Variants in LRRC49 observed in about 807,000 individuals in gnomAD.
LRRC49 encodes leucine-rich repeat-containing protein 49.
In LRRC49, 50 loss-of-function variants were observed where a neutral mutation model predicts 83.3. That is an observed-to-expected ratio of 0.60 (90% CI 0.48 to 0.76). The LOEUF (loss-of-function observed/expected upper bound fraction) is 0.76. Ranked by LOEUF, LRRC49 falls within the 30% of genes least tolerant of loss-of-function variation. The probability of loss-of-function intolerance (pLI) is 0.00; values close to 1 mark genes in which losing one functional copy is unlikely to be tolerated. For synonymous variants in LRRC49, 286 were observed against 283.3 expected, an observed-to-expected ratio of 1.01 and a Z score of -0.10; for missense variants, 704 against 809.1, an observed-to-expected ratio of 0.87 and a Z score of 1.58.
intron 11 of LRRC49, among the ~76,000 whole-genome samples, chr15:70,987,226 G>T (rs2141232348): frequency 6.6e-6 from 1 of 152,232 alleles, no homozygotes; most frequent in Non-Finnish European, 1.5e-5. Flanking sequence ...TTTCTTCCTT[G>T]TACCTCTGGT....
rs766591141 is a variant in LRRC49, at chr15:70,904,542, T to A, written c.297-10T>A. The A allele has an allele frequency of 6.2e-7, 1 of 1,601,624 alleles. No homozygotes were observed. Among genetic ancestry groups the A allele is most frequent in the Non-Finnish European group, 8.5e-7 (1 of 1,170,626 alleles). On this transcript the variant is annotated splice_polypyrimidine_tract_variant and intron_variant, in intron 4 of 15. Transcript: ENST00000260382. ...TCATAACCTAATTAACTTTTTAACA[T>A]TTTTTCTAGACAAAAGCTGACCGTA...
intron 6 of LRRC49, among the ~76,000 whole-genome samples, chr15:70,917,317 TG>T (rs1409381671): frequency 6.6e-6 from 1 of 152,018 alleles, no homozygotes; most frequent in Non-Finnish European, 1.5e-5. Flanking sequence ...CCGACTGGAG[TG>T]GGAACTTGTG....
chr15:70,923,826 T>C (rs2035093892), intron 7 of LRRC49, among the ~76,000 whole-genome samples: 1 of 151,878 alleles, frequency 6.6e-6, no homozygotes. Flanking sequence ...TAATATATAC[T>C]TTTTTTCAAC....
At chr15:71,026,448 G>C (rs2039175452) in intron 14 of LRRC49, among the ~76,000 whole-genome samples, 1 of 152,008 alleles carries the variant, frequency 6.6e-6, no homozygotes, top group South Asian at 2.1e-4. Flanking sequence ...AGGATTGCTG[G>C]GTCAAATGGT....
At chr15:70,957,046 A>G (rs1485713561) in intron 8 of LRRC49, among the ~76,000 whole-genome samples, 1 of 152,198 alleles carries the variant, frequency 6.6e-6, no homozygotes, top group Non-Finnish European at 1.5e-5. Context: ...TACTGGGCAT[A>G]CTGTTTTCTT....
At chr15:70,991,548 C>T (rs752270495) in intron 11 of LRRC49, among the ~76,000 whole-genome samples, 1 of 152,142 alleles carries the variant, frequency 6.6e-6, no homozygotes. Context: ...TGGTATAGTA[C>T]TCAGCATGTG....
At chr15:70,947,298 T>A (rs2141173745) in intron 8 of LRRC49, among the ~76,000 whole-genome samples, 1 of 152,322 alleles carries the variant, frequency 6.6e-6, no homozygotes, top group South Asian at 2.1e-4. Flanking sequence ...ACCTTCTCCA[T>A]CTCTTTCATC....
At position 70,965,512 on chromosome 15, in the gene LRRC49, A is replaced by G. The variant is rs550725077; in HGVS notation, c.921+1580A>G. On this transcript the variant is annotated intron_variant, in intron 9 of 15. Transcript: ENST00000260382. ...GGAACTATTTCTCAGTCTTTCTTTG[A>G]TTTTCATGACTGATATTTATGAAAA... Among the ~76,000 whole-genome samples, 168 of 152,044 alleles carry G rather than the reference A, an allele frequency of 1.1e-3. 4 individuals are homozygous for G. Among genetic ancestry groups the G allele is most frequent in the South Asian group, 3.9e-3 (19 of 4,822 alleles).
At chr15:71,039,966 GGAAAA>G (rs1200615282) in intron 15 of LRRC49, among the ~76,000 whole-genome samples, 1 of 152,104 alleles carries the variant, frequency 6.6e-6, no homozygotes, top group African/African-American at 2.4e-5. Context: ...GTATTGCATA[GGAAAA>G]GAAAAGCCAA....
At chr15:70,882,942 A>C (rs951391094) in intron 2 of LRRC49, 52 of 1,611,266 alleles carry the variant, frequency 3.2e-5, no homozygotes, top group Non-Finnish European at 4.1e-5. Flanking sequence ...AACATATTAA[A>C]GTGTACCTTA....
intron 15 of LRRC49, among the ~76,000 whole-genome samples, chr15:71,040,911 A>G (rs2039682977): frequency 6.6e-6 from 1 of 151,968 alleles, no homozygotes; most frequent in African/African-American, 2.4e-5. Flanking sequence ...TGAGAGGCCC[A>G]CATGGCAGGG....
intron 13 of LRRC49, 74 bp downstream of exon 13, chr15:71,010,066 G>A: frequency 1.1e-6 from 1 of 895,020 alleles, no homozygotes; most frequent in Non-Finnish European, 1.6e-6. Flanking sequence ...TAAATGTTTA[G>A]GAATTTAAGT....
At chr15:71,001,126 A>T (rs2038240407) in intron 11 of LRRC49, among the ~76,000 whole-genome samples, 1 of 152,134 alleles carries the variant, frequency 6.6e-6, no homozygotes, top group Admixed American at 6.5e-5. Flanking sequence ...GTCTTCCTAA[A>T]GTTTTAACAT....
chr15:70,904,187 G>A (rs1027887658), intron 4 of LRRC49, among the ~76,000 whole-genome samples: 1 of 152,020 alleles, frequency 6.6e-6, no homozygotes, highest in Non-Finnish European at 1.5e-5. Context: ...TGATGCCAAG[G>A]GCATTTGTCT....
At chr15:70,969,451 T>A (rs1268193284) in intron 9 of LRRC49, among the ~76,000 whole-genome samples, 2 of 152,154 alleles carry the variant, frequency 1.3e-5, no homozygotes, top group East Asian at 3.8e-4. Context: ...CTTAGGATTG[T>A]CTTGGCTATA....
intron 10 of LRRC49, 58 bp from the exon 11 acceptor site, chr15:70,984,036 T>A (rs2037499659): frequency 2.2e-6 from 3 of 1,372,548 alleles, no homozygotes; most frequent in Non-Finnish European, 3.1e-6. Flanking sequence ...CCCTTAGATG[T>A]CACTTCTGCT....
At chr15:70,973,454 G>A (rs953746795) in intron 9 of LRRC49, among the ~76,000 whole-genome samples, 1 of 152,190 alleles carries the variant, frequency 6.6e-6, no homozygotes, top group East Asian at 1.9e-4. Context: ...TCAGAAGGCA[G>A]GGGGGTCAGG....
chr15:70,865,476 C>A (rs1207855408), intron 1 of LRRC49, among the ~76,000 whole-genome samples: 1 of 152,298 alleles, frequency 6.6e-6, no homozygotes, highest in African/African-American at 2.4e-5. Context: ...CAAAATGTTT[C>A]ATTCCAAGAA....
At chr15:71,038,186 G>A (rs532158756) in intron 15 of LRRC49, among the ~76,000 whole-genome samples, 30 of 152,218 alleles carry the variant, frequency 2.0e-4, no homozygotes, top group Admixed American at 4.6e-4. Flanking sequence ...CAGGTTATAC[G>A]ATTGATATAT....
Sources: gnomAD v4.1 joint callset for allele counts (sites outside exome capture counted in the v4.1 genomes callset) on GRCh38, gnomAD v4.1.1 for gene constraint, MANE v1.5 for transcripts, NCBI Gene and HGNC (gene_info 2026-07-23, HGNC 2026-07-21) for gene names.